Variants in CES4A observed in about 807,000 individuals in gnomAD.
CES4A encodes the protein carboxylesterase 6.
A neutral mutation model predicts 65.4 loss-of-function variants in CES4A; 48 were observed. The ratio of observed to expected loss-of-function variants is 0.73; its 90% CI spans 0.58 to 0.93. The LOEUF is 0.93. Among genes scored for constraint, CES4A ranks in the 40% least tolerant of loss-of-function variants. The pLI is 0.00. For synonymous variants in CES4A, 247 were observed against 281.8 expected (o/e 0.88, Z 1.24); for missense variants, 685 against 728.5 (o/e 0.94, Z 0.69).
At chr16:66,999,285 T>A (rs1965100301) in intron 2 of CES4A, among the ~76,000 whole-genome samples, 1 of 152,128 alleles carries the variant, frequency 6.6e-6, no homozygotes, top group Non-Finnish European at 1.5e-5. Context: ...CAGGCCCAGC[T>A]GTTATGAGAA....
In CES4A at chr16:67,000,633, C is replaced by T; in HGVS notation, c.261-5C>T. On this transcript the variant is annotated splice_polypyrimidine_tract_variant and splice_region_variant and intron_variant, in intron 2 of 13. Transcript: ENST00000648724. This position sits in a 1 kb window ranked among gnomAD's most constrained non-coding sequence, Gnocchi z 4.2. ...GCGGCCGCCGCCGCTACCTGGTGCC[C>T]GCAGGTGCCTGCAGGAGTCCTGGGG... The T allele has an allele frequency of 1.3e-6, 2 of 1,543,246 alleles. No homozygotes were observed. The highest frequency in any genetic ancestry group is 1.7e-6 in the Non-Finnish European group (2 of 1,142,946).
Position 67,006,454 on chromosome 16 carries a change from C to T in CES4A, c.1379C>T (p.Pro460Leu), listed in dbSNP as rs190058306. 5 of 1,536,568 alleles carry T rather than the reference C, an allele frequency of 3.3e-6. No individual in the cohort carries two copies. In the African/African-American group the frequency reaches 5.5e-5, roughly 17 times the overall value. The change falls in exon 12 of 14, where the codon CCC becomes CTC. Residue 460 changes from proline to leucine, a missense_variant. Transcript: ENST00000648724. ...CACGCTCGTGGAATAATCGTCAAACCCCGCACTGATGGGGCAGACCATGGG... is the reference window on the plus strand; with the variant it reads ...CACGCTCGTGGAATAATCGTCAAACTCCGCACTGATGGGGCAGACCATGGG...
intron 12 of CES4A, 45 bp from the exon 13 acceptor site, chr16:67,006,700 T>A (rs1426012170): frequency 6.3e-7 from 1 of 1,584,878 alleles, no homozygotes; most frequent in Non-Finnish European, 8.7e-7. Flanking sequence ...GGGAGGTCAG[T>A]GTCCCCTGCT....
Position 66,995,360 on chromosome 16 carries a change from G to A in CES4A, c.59-268G>A, listed in dbSNP as rs1017070829. The stretch of plus-strand genomic sequence containing the variant: ...ATAAATATAAATAAATAAACGAAAC[G>A]TTAAAGGAGAGAAAAAATTCTGAGA... On this transcript the variant is annotated intron_variant, in intron 1 of 13. Transcript: ENST00000648724. 2.0e-5 allele frequency among the ~76,000 whole-genome samples: 3 copies of A among 151,794 alleles called. No individual in the cohort carries two copies. The South Asian group carries it at 6.3e-4, about 32-fold the overall frequency.
chr16:67,006,619 T>G, intron 12 of CES4A, 100 bp downstream of exon 12: 1 of 1,549,814 alleles, frequency 6.5e-7, no homozygotes, highest in East Asian at 2.2e-5. Flanking sequence ...GCTCACCAGT[T>G]CCTAATCTGT....
At position 67,000,308 on chromosome 16, in the gene CES4A, G is replaced by A. The variant is rs982417116; in HGVS notation, c.261-330G>A. ...TTCCAGAGCTGTTTGGGAGGCAGAAGGGAGACTGAGGGGAGGGTGGGGCAT... is the reference window on the plus strand; with the variant it reads ...TTCCAGAGCTGTTTGGGAGGCAGAAAGGAGACTGAGGGGAGGGTGGGGCAT... On this transcript the variant is annotated intron_variant, in intron 2 of 13. Coordinates refer to ENST00000648724, the Ensembl canonical transcript of CES4A. This position sits in a 1 kb window ranked among gnomAD's most constrained non-coding sequence, Gnocchi z 4.2. Among the ~76,000 whole-genome samples, 2 of 152,106 alleles carry A rather than the reference G, an allele frequency of 1.3e-5. No individual in the cohort carries two copies. Among genetic ancestry groups the A allele is most frequent in the East Asian group, 3.9e-4 (2 of 5,156 alleles).
intron 1 of CES4A, among the ~76,000 whole-genome samples, chr16:66,995,202 C>T (rs2145593094): frequency 6.6e-6 from 1 of 151,538 alleles, no homozygotes; most frequent in South Asian, 2.1e-4. Context: ...CCCAGCTGCT[C>T]TGGAGGTTGA....
At chr16:67,009,707 G>A (rs1268698694) in exon 14 of CES4A, 1 of 152,690 alleles carries the variant, frequency 6.5e-6, no homozygotes, top group African/African-American at 2.4e-5. Context: ...CACAGGGGTG[G>A]TCTCTTCAAT....
In CES4A at chr16:67,005,290, TG is replaced by T; in HGVS notation, c.1213del (p.Val405SerfsTer13). 1 of 1,614,056 alleles carries T rather than the reference TG, an allele frequency of 6.2e-7. No homozygotes were observed. The stretch of plus-strand genomic sequence containing the variant: ...TTGTGGTGGAGGAGTACCTGGACAA[TG>T]TCAATGAGCATGACTGGAAGATGCT... On this transcript the variant is annotated frameshift_variant, in exon 11 of 14. Transcript: ENST00000648724. LOFTEE classifies it high-confidence loss of function.
At chr16:66,998,616 C>T (rs556916940) in intron 2 of CES4A, among the ~76,000 whole-genome samples, 44 of 152,258 alleles carry the variant, frequency 2.9e-4, no homozygotes, top group African/African-American at 1.0e-3. Context: ...TGCCTGTAAT[C>T]CCAGCACTTT....
chr16:66,997,633 C>G (rs1249137217), intron 2 of CES4A, among the ~76,000 whole-genome samples: 1 of 152,126 alleles, frequency 6.6e-6, no homozygotes, highest in African/African-American at 2.4e-5. Flanking sequence ...TACCATTTAT[C>G]AAAATGAGGA....
In CES4A at chr16:67,000,481, G is replaced by C; in HGVS notation, c.261-157G>C. 1 of 1,424,584 alleles carries C rather than the reference G, an allele frequency of 7.0e-7. No homozygotes were observed. Among genetic ancestry groups the C allele is most frequent in the Non-Finnish European group, 9.2e-7 (1 of 1,092,518 alleles). 88.2% of individuals were successfully genotyped at this position (1,424,584 alleles called of 1,614,324 possible). A position where few individuals can be genotyped will look rare whatever the true frequency, so the allele number is the denominator to read the frequency against. On this transcript the variant is annotated intron_variant, in intron 2 of 13. Coordinates refer to ENST00000648724, the Ensembl canonical transcript of CES4A. This position sits in a 1 kb window ranked among gnomAD's most constrained non-coding sequence, Gnocchi z 4.2. ...CCTCCCAGTCCTGGGCCCCGGGGCT[G>C]GCGGAGGCCTCCTGTACACGCACAC...
At chr16:66,998,298 A>G (rs1333292691) in intron 2 of CES4A, among the ~76,000 whole-genome samples, 1 of 152,108 alleles carries the variant, frequency 6.6e-6, no homozygotes, top group Non-Finnish European at 1.5e-5. Context: ...CTGTTCGAGA[A>G]AGATAATCTG....
chr16:67,005,387 C>T (rs773064660), exon 11 of CES4A: 5 of 1,613,808 alleles, frequency 3.1e-6, no homozygotes, highest in Non-Finnish European at 4.2e-6. Flanking sequence ...TGCTCACTAC[C>T]ACCGAGGTAT....
chr16:67,006,423 G>A lies in CES4A; in HGVS notation c.1348G>A (p.Glu450Lys), dbSNP rs1965762925. The change falls in exon 12 of 14, where the codon GAG (glutamate) becomes AAG (lysine). Residue 450 changes from glutamate to lysine, a missense_variant. Transcript: ENST00000648724. ...CCTCCCTGTCTACCTGTATGAATTTGAGCACCACGCTCGTGGAATAATCGT... is the reference window on the plus strand; with the variant it reads ...CCTCCCTGTCTACCTGTATGAATTTAAGCACCACGCTCGTGGAATAATCGT... 11 of 1,536,628 alleles carry A rather than the reference G, an allele frequency of 7.2e-6. No homozygotes were observed. The East Asian group carries it at 2.7e-4, about 38-fold the overall frequency.
At chr16:67,008,059 A>T (rs897789268) in intron 13 of CES4A, 1 of 152,232 alleles carries the variant, frequency 6.6e-6, no homozygotes, top group African/African-American at 2.4e-5. Flanking sequence ...TGCTGGGATT[A>T]CAGGTGTGAG....
intron 1 of CES4A, among the ~76,000 whole-genome samples, chr16:66,993,099 G>A (rs977422850): frequency 6.6e-6 from 1 of 152,198 alleles, no homozygotes; most frequent in African/African-American, 2.4e-5. Context: ...CAGGATGACA[G>A]CCTGGAAGAG....
exon 9 of CES4A, chr16:67,004,149 G>T: frequency 6.2e-7 from 1 of 1,614,164 alleles, no homozygotes; most frequent in Non-Finnish European, 8.5e-7. Flanking sequence ...TGGTGCTCCT[G>T]ACCCAGGGGA....
intron 13 of CES4A, 73 bp downstream of exon 13, chr16:67,006,890 G>T: frequency 7.0e-7 from 1 of 1,433,204 alleles, no homozygotes; most frequent in Non-Finnish European, 9.7e-7. Flanking sequence ...AGCTGCTTCG[G>T]ATATTTGCCC....
Sources: gnomAD v4.1 joint callset for allele counts (sites outside exome capture counted in the v4.1 genomes callset) on GRCh38, gnomAD v4.1.1 for gene constraint, Gnocchi (gnomAD v3.1) non-coding constraint, MANE v1.5 for transcripts, NCBI Gene and HGNC (gene_info 2026-07-23, HGNC 2026-07-21) for gene names.